The following LPP variants were observed in gnomAD, a reference collection of about 807,000 sequenced individuals.
The protein encoded by LPP is lipoma-preferred partner.
LPP carries 38 observed loss-of-function variants against 60.4 expected under a neutral mutation model. The ratio of observed to expected loss-of-function variants is 0.63; its 90% CI spans 0.49 to 0.83. LPP has a LOEUF of 0.83. Among genes scored for constraint, LPP ranks in the 40% least tolerant of loss-of-function variants. LPP has a pLI of 0.00. For missense variants in LPP, 902 were observed against 783.6 expected, an observed-to-expected ratio of 1.15 and a Z score of -1.80; for synonymous variants, 328 against 290.8, an observed-to-expected ratio of 1.13 and a Z score of -1.30.
chr3:188,323,610 A>G (rs1560247978), intron 2 of LPP, among the ~76,000 whole-genome samples: 1 of 152,240 alleles, frequency 6.6e-6, no homozygotes, highest in Non-Finnish European at 1.5e-5. Flanking sequence ...TGAAACACTC[A>G]AGTTGCATTC....
chr3:188,776,447 T>C (rs1737816184), intron 9 of LPP, among the ~76,000 whole-genome samples: 1 of 152,084 alleles, frequency 6.6e-6, no homozygotes, highest in African/African-American at 2.4e-5. Context: ...ATTCATTATA[T>C]GTGCATTATT....
chr3:188,286,830 A>T (rs1467602750), intron 2 of LPP, among the ~76,000 whole-genome samples: 1 of 152,210 alleles, frequency 6.6e-6, no homozygotes, highest in Admixed American at 6.5e-5. Flanking sequence ...TTCAAAATCG[A>T]GGACACATTA....
chr3:188,359,927 A>G (rs1768774625), intron 3 of LPP, among the ~76,000 whole-genome samples: 1 of 152,188 alleles, frequency 6.6e-6, no homozygotes, highest in Non-Finnish European at 1.5e-5. Context: ...TAGAGCCCAC[A>G]GGTTTATATT....
chr3:188,185,662 C>T (rs1726381974), intron 1 of LPP, among the ~76,000 whole-genome samples: 1 of 152,212 alleles, frequency 6.6e-6, no homozygotes, highest in Non-Finnish European at 1.5e-5. Context: ...TTTTTCTTCA[C>T]ATGTTTCAAT....
chr3:188,550,458 G>A (rs1827806386), intron 6 of LPP, among the ~76,000 whole-genome samples: 1 of 151,408 alleles, frequency 6.6e-6, no homozygotes. Context: ...TGTACCTGTA[G>A]TCACAGCTGC....
intron 4 of LPP, among the ~76,000 whole-genome samples, chr3:188,462,486 T>C (rs554759534): frequency 6.9e-6 from 1 of 145,564 alleles, no homozygotes; most frequent in African/African-American, 2.5e-5. Context: ...TATGTGTGTG[T>C]TACCTTCCTG....
intron 4 of LPP, among the ~76,000 whole-genome samples, chr3:188,480,486 A>G (rs1252429432): frequency 2.6e-5 from 4 of 152,194 alleles, no homozygotes; most frequent in Admixed American, 2.0e-4. Context: ...AGGCATAAAT[A>G]TATTTTGTAT....
At chr3:188,156,793 C>T (rs2148656943) in intron 1 of LPP, among the ~76,000 whole-genome samples, 1 of 152,056 alleles carries the variant, frequency 6.6e-6, no homozygotes, top group Admixed American at 6.6e-5. Flanking sequence ...GCCGAGATTG[C>T]ACCATTGCAC....
rs1195817180 is a variant in LPP, at chr3:188,804,540, A to G, written c.1410+44258A>G. Among the ~76,000 whole-genome samples the G allele has an allele frequency of 2.0e-5, 3 of 151,940 alleles. No homozygotes were observed. In the East Asian group the frequency reaches 5.8e-4, roughly 30 times the overall value. ...TACTCACTCTTCGGTTTATGGGTGC[A>G]CTAAAAGCCCAAATTTCACCACTAC... On this transcript the variant is annotated intron_variant, in intron 9 of 11. Coordinates refer to ENST00000617246, the MANE Select transcript of LPP (RefSeq NM_001375462.1).
chr3:188,524,663 A>G lies in LPP; in HGVS notation c.307-2A>G, dbSNP rs1819955851. The G allele has an allele frequency of 2.5e-6, 4 of 1,612,776 alleles. No homozygotes were observed. The highest frequency in any genetic ancestry group is 3.4e-6 in the Non-Finnish European group (4 of 1,179,408). On this transcript the variant is annotated splice_acceptor_variant, in intron 5 of 11. Coordinates refer to ENST00000617246, the MANE Select transcript of LPP (RefSeq NM_001375462.1). LOFTEE classifies it high-confidence loss of function. Reference sequence around the variant, plus strand: ...TTAACATGTCTGTGTTGCTTCCAACAGGGGAATCCCGGAGGCAAGACACTT... The same window carrying G: ...TTAACATGTCTGTGTTGCTTCCAACGGGGGAATCCCGGAGGCAAGACACTT...
chr3:188,502,028 T>C (rs1400760529), intron 5 of LPP, among the ~76,000 whole-genome samples: 1 of 152,242 alleles, frequency 6.6e-6, no homozygotes, highest in Non-Finnish European at 1.5e-5. Context: ...AGAAGATACT[T>C]TGTATGACAT....
At chr3:188,738,299 A>G (rs1723214942) in intron 8 of LPP, among the ~76,000 whole-genome samples, 1 of 152,192 alleles carries the variant, frequency 6.6e-6, no homozygotes, top group Admixed American at 6.5e-5. Context: ...TATGCTAGGT[A>G]CATCCAAAGC....
At chr3:188,318,456 G>A (rs562566970) in intron 2 of LPP, among the ~76,000 whole-genome samples, 1 of 151,714 alleles carries the variant, frequency 6.6e-6, no homozygotes, top group South Asian at 2.1e-4. Context: ...TGAATATGTG[G>A]ATATTTTTGT....
At chr3:188,805,746 G>A (rs1748926503) in intron 9 of LPP, among the ~76,000 whole-genome samples, 1 of 151,284 alleles carries the variant, frequency 6.6e-6, no homozygotes, top group South Asian at 2.1e-4. Context: ...TCAAAGTACT[G>A]CTTAAGTTGC....
At chr3:188,517,608 C>G (rs1387606957) in intron 5 of LPP, among the ~76,000 whole-genome samples, 1 of 152,110 alleles carries the variant, frequency 6.6e-6, no homozygotes, top group African/African-American at 2.4e-5. Context: ...ACTTATAGTT[C>G]CACATGGCTG....
At chr3:188,843,783 T>C (rs1402332268) in intron 9 of LPP, among the ~76,000 whole-genome samples, 1 of 32,100 alleles carries the variant, frequency 3.1e-5, no homozygotes, top group Non-Finnish European at 6.4e-5. Context: ...CAAGACTCCG[T>C]CTCAAAAAAA....
In LPP at chr3:188,739,601, AAGG is replaced by A. The variant is rs144266371; in HGVS notation, c.1241-20505_1241-20503del. Among the ~76,000 whole-genome samples, 19 of 152,200 alleles carry A rather than the reference AAGG, an allele frequency of 1.2e-4. 1 individual carries two copies. In the East Asian group the frequency reaches 3.5e-3, roughly 28 times the overall value. On this transcript the variant is annotated intron_variant, in intron 8 of 11. Transcript: ENST00000617246. ...CCTTAGGAGATAAAATTCCAGGGAAAAGGAGGAGGGGTTATAAGATAAATCTAG... is the reference window on the plus strand; with the variant it reads ...CCTTAGGAGATAAAATTCCAGGGAAAAGGAGGGGTTATAAGATAAATCTAG...
intron 4 of LPP, among the ~76,000 whole-genome samples, chr3:188,421,147 C>T (rs1020480780): frequency 2.0e-5 from 3 of 152,144 alleles, no homozygotes; most frequent in Non-Finnish European, 4.4e-5. Context: ...AAATTGTGTT[C>T]TTTAGACTGC....
chr3:188,457,561 A>G (rs1469044564), intron 4 of LPP, among the ~76,000 whole-genome samples: 4 of 151,836 alleles, frequency 2.6e-5, no homozygotes, highest in Non-Finnish European at 5.9e-5. Flanking sequence ...TTGTTTATGT[A>G]TCAGTTCTCC....
Sources: gnomAD v4.1 joint callset for allele counts (sites outside exome capture counted in the v4.1 genomes callset) on GRCh38, gnomAD v4.1.1 for gene constraint, MANE v1.5 for transcripts, NCBI Gene and HGNC (gene_info 2026-07-23, HGNC 2026-07-21) for gene names.